CLYBL: variants seen among roughly 807,000 people sequenced by gnomAD.
CLYBL encodes the protein citramalyl-CoA lyase, mitochondrial.
A neutral mutation model predicts 38.9 loss-of-function variants in CLYBL; 31 were observed. The ratio of observed to expected loss-of-function variants is 0.80; its 90% CI spans 0.60 to 1.08. The LOEUF (loss-of-function observed/expected upper bound fraction) is 1.08, where lower values mean the gene tolerates loss of function less well. CLYBL is among the 50% of genes least tolerant of loss of function. The pLI is 0.00. For synonymous variants in CLYBL, 171 were observed against 158.6 expected, an observed-to-expected ratio of 1.08 and a Z score of -0.59; for missense variants, 434 against 411.6, an observed-to-expected ratio of 1.05 and a Z score of -0.47.
chr13:99,900,478 C>CT (rs916489991), downstream of CLYBL, among the ~76,000 whole-genome samples: 174 of 152,208 alleles, frequency 1.1e-3, 3 homozygotes, highest in Non-Finnish European at 1.6e-4. Context: ...GTCCCCTGAT[C>CT]TTGCAGACCC....
intron 1 of CLYBL, among the ~76,000 whole-genome samples, chr13:99,659,474 G>A (rs934346897): frequency 6.6e-6 from 1 of 152,130 alleles, no homozygotes; most frequent in Non-Finnish European, 1.5e-5. Context: ...ACTTGCTGGG[G>A]AAGTGCCTTC....
intron 8 of CLYBL, among the ~76,000 whole-genome samples, chr13:99,904,060 A>G (rs192992351): frequency 1.2e-3 from 177 of 152,060 alleles, no homozygotes; most frequent in African/African-American, 4.0e-3. Flanking sequence ...AAAAAAACAA[A>G]AACAAAAAAA....
At chr13:99,677,339 A>C (rs528473853) in intron 1 of CLYBL, among the ~76,000 whole-genome samples, 1 of 152,216 alleles carries the variant, frequency 6.6e-6, no homozygotes, top group Non-Finnish European at 1.5e-5. Context: ...GAGAGGAAAA[A>C]AAAAAAGCTT....
chr13:99,617,274 C>T (rs1037252104), intron 1 of CLYBL, among the ~76,000 whole-genome samples: 2 of 151,522 alleles, frequency 1.3e-5, no homozygotes, highest in African/African-American at 4.9e-5. Flanking sequence ...TCACAGTTCA[C>T]GCTAAAAATT....
At chr13:99,799,739 G>A (rs922354117) in intron 2 of CLYBL, among the ~76,000 whole-genome samples, 2 of 152,222 alleles carry the variant, frequency 1.3e-5, no homozygotes, top group African/African-American at 4.8e-5. Context: ...TAGATATCGA[G>A]GTAGATAATC....
rs189643142 is a variant in CLYBL, at chr13:99,773,005, A to T, written c.244A>T (p.Lys82Ter). 1.9e-6 allele frequency: 3 copies of T among 1,608,648 alleles called. No homozygotes were observed. The highest frequency in any genetic ancestry group is 2.7e-5 in the African/African-American group (2 of 74,772). ...CTGTGAGGATGGAGTGGCTGCAAACAAAAAGGTAATGGCATGATTTTAGTA... is the reference window on the plus strand; with the variant it reads ...CTGTGAGGATGGAGTGGCTGCAAACTAAAAGGTAATGGCATGATTTTAGTA... Reference protein sequence around the residue: ...LDCEDGVAANKKNEARLRIVK... With the variant: ...LDCEDGVAAN The change falls in exon 2 of 9, where the codon AAA (lysine) becomes TAA (stop). Residue 82 changes from lysine to a stop codon, truncating the protein, a stop_gained. Coordinates refer to ENST00000339105, the MANE Select transcript of CLYBL (RefSeq NM_206808.5). LOFTEE classifies it high-confidence loss of function.
chr13:99,802,242 C>A (rs1198800106), intron 2 of CLYBL, among the ~76,000 whole-genome samples: 1 of 152,078 alleles, frequency 6.6e-6, no homozygotes, highest in Non-Finnish European at 1.5e-5. Flanking sequence ...CTTTCTGTAT[C>A]CTCACATGAC....
chr13:99,905,398 T>C (rs1335093018), exon 9 of CLYBL, among the ~76,000 whole-genome samples: 1 of 152,238 alleles, frequency 6.6e-6, no homozygotes, highest in Non-Finnish European at 1.5e-5. Context: ...TTCTGTTACG[T>C]GCCTGTGGTG....
At chr13:99,694,628 G>A (rs1286878733) in intron 1 of CLYBL, among the ~76,000 whole-genome samples, 1 of 152,138 alleles carries the variant, frequency 6.6e-6, no homozygotes, top group Non-Finnish European at 1.5e-5. Flanking sequence ...TGTCCAGATT[G>A]CTGGCCCGCT....
At chr13:99,774,903 C>G (rs2049479263) in intron 2 of CLYBL, among the ~76,000 whole-genome samples, 1 of 152,132 alleles carries the variant, frequency 6.6e-6, no homozygotes, top group South Asian at 2.1e-4. Context: ...CTCCAAGATT[C>G]GATGCTAACT....
At chr13:99,609,867 T>C (rs925368642) in intron 1 of CLYBL, among the ~76,000 whole-genome samples, 2 of 152,300 alleles carry the variant, frequency 1.3e-5, no homozygotes, top group South Asian at 4.1e-4. Context: ...TTCATTGATA[T>C]TCTCTATGTA....
intron 1 of CLYBL, among the ~76,000 whole-genome samples, chr13:99,625,096 C>A (rs143625999): frequency 1.3e-3 from 200 of 152,324 alleles, no homozygotes; most frequent in African/African-American, 4.4e-3. Flanking sequence ...CCTTCTCCAT[C>A]GGAGCTGGTT....
intron 1 of CLYBL, among the ~76,000 whole-genome samples, chr13:99,769,593 A>G (rs1489467508): frequency 2.6e-5 from 4 of 152,236 alleles, no homozygotes. Context: ...CTGTTTTTAG[A>G]TAAACCAGAT....
chr13:99,672,675 T>C (rs1594112234), intron 1 of CLYBL, among the ~76,000 whole-genome samples: 1 of 150,854 alleles, frequency 6.6e-6, no homozygotes, highest in South Asian at 2.1e-4. Flanking sequence ...TCTTGGGAGG[T>C]GTGAGGATCA....
chr13:99,651,268 C>T (rs1198835930), intron 1 of CLYBL, among the ~76,000 whole-genome samples: 1 of 152,238 alleles, frequency 6.6e-6, no homozygotes, highest in African/African-American at 2.4e-5. Context: ...TGGTGCCAAG[C>T]ACATGACAAG....
intron 2 of CLYBL, among the ~76,000 whole-genome samples, chr13:99,840,815 C>T (rs1323974060): frequency 1.4e-5 from 2 of 144,230 alleles, no homozygotes; most frequent in Admixed American, 6.8e-5. Flanking sequence ...GGCAGAAAAC[C>T]GTATTCCCTA....
intron 2 of CLYBL, among the ~76,000 whole-genome samples, chr13:99,819,059 T>G (rs1223553354): frequency 1.3e-5 from 2 of 152,020 alleles, no homozygotes; most frequent in Non-Finnish European, 2.9e-5. Flanking sequence ...TACACAAATT[T>G]AATAGGCCAG....
At chr13:99,852,259 G>T (rs1442038402) in intron 2 of CLYBL, among the ~76,000 whole-genome samples, 4 of 152,062 alleles carry the variant, frequency 2.6e-5, no homozygotes, top group Non-Finnish European at 5.9e-5. Flanking sequence ...TGTTGTTTTT[G>T]AGACAGTCTT....
At chr13:99,780,695 A>G (rs2049625957) in intron 2 of CLYBL, among the ~76,000 whole-genome samples, 1 of 139,614 alleles carries the variant, frequency 7.2e-6, no homozygotes. Flanking sequence ...TCTTTTAACT[A>G]GAATGTTAAT....
Sources: allele counts gnomAD v4.1 joint callset (sites outside exome capture counted in the v4.1 genomes callset), GRCh38; gene constraint gnomAD v4.1.1; transcripts MANE v1.5; gene names NCBI Gene and HGNC (gene_info 2026-07-23, HGNC 2026-07-21).